Variants in ACTN4 observed in about 807,000 individuals in gnomAD.
ACTN4 encodes actinin alpha 4.
Under a neutral mutation model 114.2 loss-of-function variants are expected in ACTN4, and 18 were observed. The ratio of observed to expected loss-of-function variants is 0.16; its 90% CI spans 0.11 to 0.23. The LOEUF is 0.23. ACTN4 is among the 10% of genes least tolerant of loss of function. The probability of loss-of-function intolerance (pLI) is 1.00; values close to 1 mark genes in which losing one functional copy is unlikely to be tolerated. For synonymous variants in ACTN4, 515 were observed against 506.3 expected, an observed-to-expected ratio of 1.02 and a Z score of -0.23; for missense variants, 722 against 1,262.9, an observed-to-expected ratio of 0.57 and a Z score of 6.49.
rs532363277 is a variant in ACTN4, at chr19:38,659,821, G to T, written c.162+11914G>T. 1.0e-3 allele frequency among the ~76,000 whole-genome samples: 152 copies of T among 152,260 alleles called. 1 individual carries two copies. Among genetic ancestry groups the T allele is most frequent in the Non-Finnish European group, 1.6e-3 (112 of 68,016 alleles). ...ATTATGTCAGAGTATGGGCAGTGAG[G>T]GTCTTTGGGGAGTGTGCCCCCTTAT... On this transcript the variant is annotated intron_variant, in intron 1 of 20. Coordinates refer to ENST00000252699, the MANE Select transcript of ACTN4 (RefSeq NM_004924.6).
intron 3 of ACTN4, among the ~76,000 whole-genome samples, chr19:38,703,236 ATT>A (rs34017553): frequency 0.062 from 8,151 of 132,528 alleles, 307 homozygotes; most frequent in South Asian, 0.18. Context: ...AGTTTCAGCA[ATT>A]TTTTTTTTTT....
chr19:38,668,828 C>A (rs990788087), intron 1 of ACTN4, among the ~76,000 whole-genome samples: 1 of 152,194 alleles, frequency 6.6e-6, no homozygotes, highest in Admixed American at 6.5e-5. Flanking sequence ...ACTTCGCCTT[C>A]ATGGGTTTGA....
At chr19:38,696,579 C>G (rs767112385) in intron 1 of ACTN4, among the ~76,000 whole-genome samples, 1 of 152,220 alleles carries the variant, frequency 6.6e-6, no homozygotes. Context: ...ACTCACCAGT[C>G]TCTCCGCATG....
intron 1 of ACTN4, among the ~76,000 whole-genome samples, chr19:38,678,890 G>A (rs1216473255): frequency 3.9e-5 from 6 of 152,220 alleles, no homozygotes; most frequent in Non-Finnish European, 5.9e-5. Flanking sequence ...GAAAGAGGTG[G>A]CTTGTTTATC....
At chr19:38,703,168 A>G (rs1049818445) in intron 3 of ACTN4, among the ~76,000 whole-genome samples, 5 of 150,468 alleles carry the variant, frequency 3.3e-5, no homozygotes, top group Non-Finnish European at 7.4e-5. Flanking sequence ...TGCAGAGATG[A>G]TTTTTCTCTT....
At position 38,729,769 on chromosome 19, in the gene ACTN4, G is replaced by C. The variant is rs1483238039; in HGVS notation, c.*337G>C. ...CCCTGGGATGCCTCACCACACCCAG[G>C]TCTCTTCCTTTGCTCTGAGGTCCCT... On this transcript the variant is annotated 3_prime_UTR_variant, in exon 21 of 21. Coordinates refer to ENST00000252699, the MANE Select transcript of ACTN4 (RefSeq NM_004924.6). 1.9e-6 allele frequency: 1 copy of C among 515,002 alleles called. No individual in the cohort carries two copies. Among genetic ancestry groups the C allele is most frequent in the African/African-American group, 1.9e-5 (1 of 52,306 alleles). The allele number at this position is 515,002 out of a possible 1,614,324, so 31.9% of individuals were successfully genotyped here. A position where few individuals can be genotyped will look rare whatever the true frequency, so the allele number is the denominator to read the frequency against.
At position 38,728,158 on chromosome 19, in the gene ACTN4, C is replaced by A. The variant is rs556672849; in HGVS notation, c.2418+132C>A. 4.6e-5 allele frequency: 60 copies of A among 1,314,926 alleles called. No individual in the cohort carries two copies. The African/African-American group carries it at 6.6e-4, about 14-fold the overall frequency. 81.5% of individuals were successfully genotyped at this position (1,314,926 alleles called of 1,614,324 possible). A position where few individuals can be genotyped will look rare whatever the true frequency, so the allele number is the denominator to read the frequency against. On this transcript the variant is annotated intron_variant, in intron 19 of 20. Coordinates refer to ENST00000252699, the MANE Select transcript of ACTN4 (RefSeq NM_004924.6). ...TCTCATGGCTCTCTTGCCTCCCTGCCCACATCTCCCTGGACCCCTTCCCTT... is the reference window on the plus strand; with the variant it reads ...TCTCATGGCTCTCTTGCCTCCCTGCACACATCTCCCTGGACCCCTTCCCTT...
At chr19:38,705,121 T>C (rs1053849779) in intron 4 of ACTN4, 101 bp downstream of exon 4, 19 of 1,158,402 alleles carry the variant, frequency 1.6e-5, no homozygotes, top group African/African-American at 4.6e-5. Flanking sequence ...TCCTGTTTCC[T>C]TGGGGTCACT....
At chr19:38,720,609 T>C (rs777827405) in intron 11 of ACTN4, among the ~76,000 whole-genome samples, 1 of 152,244 alleles carries the variant, frequency 6.6e-6, no homozygotes, top group Non-Finnish European at 1.5e-5. Context: ...GAGGTGAGGC[T>C]GGTACTGGCT....
rs558406411 is a variant in ACTN4 at position 38,658,270 on chromosome 19, C to CT, written c.162+10370dup. On this transcript the variant is annotated intron_variant, in intron 1 of 20. Coordinates refer to ENST00000252699, the MANE Select transcript of ACTN4 (RefSeq NM_004924.6). ...GCTGGCTTTGTAGCCTAGAAGAGTGCTTTTTTTCTCTAGGAGTTTGGAACT... is the reference window on the plus strand; with the variant it reads ...GCTGGCTTTGTAGCCTAGAAGAGTGCTTTTTTTTCTCTAGGAGTTTGGAACT... Among the ~76,000 whole-genome samples the CT allele has an allele frequency of 1.4e-3, 208 of 152,248 alleles. 2 individuals are homozygous for CT. The highest frequency in any genetic ancestry group is 5.9e-4 in the Non-Finnish European group (40 of 68,006).
chr19:38,716,066 T>C (rs1968830746), intron 9 of ACTN4, among the ~76,000 whole-genome samples: 1 of 152,126 alleles, frequency 6.6e-6, no homozygotes, highest in African/African-American at 2.4e-5. Context: ...CACGCCCAGC[T>C]AATTTTTGTA....
At chr19:38,713,962 C>T (rs537670231) in intron 8 of ACTN4, among the ~76,000 whole-genome samples, 2 of 152,218 alleles carry the variant, frequency 1.3e-5, no homozygotes, top group African/African-American at 2.4e-5. Flanking sequence ...CTTCTGTCCT[C>T]TGGAGCTCCT....
intron 1 of ACTN4, among the ~76,000 whole-genome samples, chr19:38,655,047 C>T (rs1268573145): frequency 6.6e-6 from 1 of 152,170 alleles, no homozygotes; most frequent in Non-Finnish European, 1.5e-5. Flanking sequence ...GAGCAGTCCC[C>T]CTGTGCTTAT....
rs902358711 is a variant in ACTN4, at chr19:38,730,728, GGCCAGAGACTAGCCCCAGACAGGTGGAT to G, written c.*1305_*1332del. ...TGGTCACCCGGCCGTGAGCAGTGAG[GGCCAGAGACTAGCCCCAGACAGGTGGAT>G]GCCAGAGAGAGTGGCACCCATGCCA... is the stretch of plus-strand genomic sequence containing the variant. On this transcript the variant is annotated 3_prime_UTR_variant, in exon 21 of 21. Coordinates refer to ENST00000252699, the MANE Select transcript of ACTN4 (RefSeq NM_004924.6). 300 of 1,251,576 alleles carry G rather than the reference GGCCAGAGACTAGCCCCAGACAGGTGGAT, an allele frequency of 2.4e-4. No homozygotes were observed. The Middle Eastern group carries it at 2.4e-3, about 10-fold the overall frequency. 77.5% of individuals were successfully genotyped at this position (1,251,576 alleles called of 1,614,324 possible).
chr19:38,701,228 T>G, intron 3 of ACTN4, 107 bp downstream of exon 3: 1 of 1,565,142 alleles, frequency 6.4e-7, no homozygotes, highest in Non-Finnish European at 8.7e-7. Flanking sequence ...GCAGGGCGCT[T>G]GGGGCACTCA....
intron 8 of ACTN4, among the ~76,000 whole-genome samples, chr19:38,713,853 G>A (rs1037208580): frequency 2.0e-5 from 3 of 152,144 alleles, no homozygotes; most frequent in African/African-American, 4.8e-5. Context: ...CCCCCTAGCA[G>A]GACAGGGCAG....
intron 1 of ACTN4, among the ~76,000 whole-genome samples, chr19:38,688,734 AAAAAAAACAG>A (rs2144948836): frequency 6.6e-6 from 1 of 151,876 alleles, no homozygotes; most frequent in Admixed American, 6.6e-5. Context: ...CCCTAAAACA[AAAAAAAACAG>A]AAAACCACAA....
chr19:38,674,951 A>G (rs1967328327), intron 1 of ACTN4, among the ~76,000 whole-genome samples: 1 of 152,166 alleles, frequency 6.6e-6, no homozygotes, highest in South Asian at 2.1e-4. Context: ...ACCTTCATCC[A>G]GGCATCTGAG....
intron 1 of ACTN4, among the ~76,000 whole-genome samples, chr19:38,676,894 G>T (rs1486235862): frequency 6.6e-6 from 1 of 152,042 alleles, no homozygotes; most frequent in East Asian, 1.9e-4. Context: ...CTTCACATAG[G>T]GGCCAAAGAA....
Sources: allele counts gnomAD v4.1 joint callset (sites outside exome capture counted in the v4.1 genomes callset), GRCh38; gene constraint gnomAD v4.1.1; transcripts MANE v1.5; gene names NCBI Gene and HGNC (gene_info 2026-07-23, HGNC 2026-07-21).